PIGN: variants seen among roughly 807,000 people sequenced by gnomAD.
PIGN encodes the protein GPI ethanolamine phosphate transferase 1.
PIGN carries 117 observed loss-of-function variants against 125.4 expected under a neutral mutation model. That is an observed-to-expected ratio of 0.93 (90% confidence interval 0.80 to 1.09). PIGN has a LOEUF of 1.09. PIGN is among the 50% of genes least tolerant of loss of function. The pLI is 0.00. For synonymous variants in PIGN, 392 were observed against 377.8 expected (o/e 1.04, Z -0.44); for missense variants, 1,075 against 1,094.9 (o/e 0.98, Z 0.26).
chr18:62,065,109 T>A (rs1318334873), intron 30 of PIGN, among the ~76,000 whole-genome samples: 3 of 152,216 alleles, frequency 2.0e-5, no homozygotes, highest in African/African-American at 7.2e-5. Context: ...GTTTTCTTTT[T>A]CTTTCTCTCT....
At chr18:62,098,538 G>C (rs1045391527) in intron 22 of PIGN, among the ~76,000 whole-genome samples, 1 of 152,142 alleles carries the variant, frequency 6.6e-6, no homozygotes, top group Admixed American at 6.5e-5. Flanking sequence ...GATTGATAAG[G>C]TAATAAAGGG....
At chr18:62,157,589 C>G in intron 5 of PIGN, 98 bp downstream of exon 5, 1 of 1,197,088 alleles carries the variant, frequency 8.4e-7, no homozygotes. Context: ...CAAAATATCT[C>G]AAAACATACC....
Position 62,072,730 on chromosome 18 carries a change from A to T in PIGN, c.2620-5T>A. 1 of 467,230 alleles carries T rather than the reference A, an allele frequency of 2.1e-6. No homozygotes were observed. Among genetic ancestry groups the T allele is most frequent in the Non-Finnish European group, 2.9e-6 (1 of 340,048 alleles). 28.9% of individuals were successfully genotyped at this position (467,230 alleles called of 1,614,324 possible). On this transcript the variant is annotated splice_region_variant and splice_polypyrimidine_tract_variant and intron_variant, in intron 29 of 30. Transcript: ENST00000640252. ...CTTGACCAAGAAGAAAAAATGCTGTAAAAAAAAAAAAAGGCTTAATGAAAA... is the reference window on the plus strand; with the variant it reads ...CTTGACCAAGAAGAAAAAATGCTGTTAAAAAAAAAAAAGGCTTAATGAAAA...
Position 62,024,390 on chromosome 18 carries a change from A to T in PIGN, c.2143-6649T>A, listed in dbSNP as rs186070820. Among the ~76,000 whole-genome samples, 7 of 152,280 alleles carry T rather than the reference A, an allele frequency of 4.6e-5. No individual in the cohort carries two copies. The East Asian group carries it at 1.3e-3, about 29-fold the overall frequency. ...CTCCCCCAGCCCCTTCCCTGTTCTC[A>T]TGAGGGCTTCACCGATTTCCTCTAG... is the stretch of plus-strand genomic sequence containing the variant. On this transcript the variant is annotated intron_variant, in intron 23 of 24. Transcript: ENST00000639600.
At position 62,084,558 on chromosome 18, in the gene PIGN, A is replaced by C. The variant is rs1599479822; in HGVS notation, c.2475T>G (p.Phe825Leu). The change falls in exon 27 of 31, where the codon TTT becomes TTG. Residue 825 changes from phenylalanine (F) to leucine (L), a missense_variant. Phe to Leu is a conservative substitution (Grantham distance 22, BLOSUM62 0). Around this residue, in one of 3 missense-constraint regions of PIGN, gnomAD observed 915 missense variants for 908.7 expected, o/e 1.01. Transcript: ENST00000640252. ...TCCACATCATCAGGGCTCCCATCAT[A>C]AAAGGACTGAACACAGTCAGAAAGC... ...VYCFLTVFSP[F>L]MMGALMMWKI... The C allele has an allele frequency of 2.3e-5, 36 of 1,558,416 alleles. No individual in the cohort carries two copies. The highest frequency in any genetic ancestry group is 3.0e-5 in the Non-Finnish European group (35 of 1,149,664).
At chr18:62,160,006 G>A (rs1205688286) in intron 4 of PIGN, among the ~76,000 whole-genome samples, 5 of 152,110 alleles carry the variant, frequency 3.3e-5, no homozygotes, top group Admixed American at 6.5e-5. Flanking sequence ...CCAGCTACTC[G>A]GGAGGCTGAG....
intron 14 of PIGN, chr18:62,137,388 C>T (rs2035973910): frequency 3.0e-6 from 1 of 337,308 alleles, no homozygotes; most frequent in Admixed American, 4.8e-5. Context: ...TCTGGGACGT[C>T]ACCTTGTGAT....
intron 4 of PIGN, 112 bp from the exon 5 acceptor site, chr18:62,157,920 TCAAA>T: frequency 2.0e-6 from 2 of 1,020,882 alleles, no homozygotes; most frequent in Non-Finnish European, 2.8e-6. Flanking sequence ...AAAACTTAAG[TCAAA>T]ACTTAAGAAG....
intron 1 of PIGN, among the ~76,000 whole-genome samples, chr18:62,185,556 C>T (rs2037895315): frequency 6.6e-6 from 1 of 152,104 alleles, no homozygotes; most frequent in African/African-American, 2.4e-5. Flanking sequence ...AAACCAATAA[C>T]CTGACCTAAG....
At chr18:62,049,816 G>T (rs1479816493) in intron 30 of PIGN, among the ~76,000 whole-genome samples, 1 of 150,272 alleles carries the variant, frequency 6.7e-6, no homozygotes. Flanking sequence ...TTTCTTCTAG[G>T]GTTTTTATGG....
intron 22 of PIGN, among the ~76,000 whole-genome samples, chr18:62,099,319 C>T (rs1362162093): frequency 6.6e-6 from 1 of 151,944 alleles, no homozygotes; most frequent in Non-Finnish European, 1.5e-5. Context: ...ATCAATAAAG[C>T]AAAGAAGAAC....
chr18:62,121,421 CTATTGAATATTATTCAATAAA>C (rs1301243446), intron 14 of PIGN, among the ~76,000 whole-genome samples: 1 of 152,206 alleles, frequency 6.6e-6, no homozygotes, highest in South Asian at 2.1e-4. Flanking sequence ...AGCTGATAAT[CTATTGAATATTATTCAATAAA>C]TATTGAATAT....
chr18:62,115,141 G>A (rs1046721416), intron 14 of PIGN, among the ~76,000 whole-genome samples: 2 of 152,116 alleles, frequency 1.3e-5, no homozygotes, highest in African/African-American at 4.8e-5. Flanking sequence ...TAATTTGAAC[G>A]TATTTGCTAT....
chr18:62,138,945 T>C (rs920429593), intron 13 of PIGN, 38 bp downstream of exon 13: 3 of 1,009,490 alleles, frequency 3.0e-6, no homozygotes, highest in Admixed American at 2.1e-5. Flanking sequence ...TGTAGTATTG[T>C]CCATTTTTGT....
At chr18:62,125,123 TAAATATACACG>T (rs2035469119) in intron 14 of PIGN, among the ~76,000 whole-genome samples, 1 of 94,778 alleles carries the variant, frequency 1.1e-5, no homozygotes, top group South Asian at 2.9e-4. Context: ...TATGTGTATA[TAAATATACACG>T]TTTGTACATA....
At chr18:62,150,865 C>T (rs544801767) in intron 7 of PIGN, among the ~76,000 whole-genome samples, 1 of 152,072 alleles carries the variant, frequency 6.6e-6, no homozygotes, top group South Asian at 2.1e-4. Context: ...CCATGCCCGG[C>T]TAATTTTTGT....
intron 17 of PIGN, among the ~76,000 whole-genome samples, chr18:62,109,059 G>T (rs192204279): frequency 2.6e-5 from 4 of 152,128 alleles, no homozygotes; most frequent in African/African-American, 9.7e-5. Context: ...GACTTTAGGG[G>T]TCTGGTTTGC....
At chr18:62,156,797 C>T (rs2036751283) in intron 6 of PIGN, among the ~76,000 whole-genome samples, 1 of 152,010 alleles carries the variant, frequency 6.6e-6, no homozygotes, top group South Asian at 2.1e-4. Context: ...ATCTATGAGA[C>T]AGAAACTAAT....
intron 7 of PIGN, among the ~76,000 whole-genome samples, chr18:62,149,656 G>A (rs970286471): frequency 6.6e-6 from 1 of 152,102 alleles, no homozygotes; most frequent in African/African-American, 2.4e-5. Context: ...AATTCAGTAG[G>A]AAAGAAGGTC....
Sources: gnomAD v4.1 joint callset for allele counts (sites outside exome capture counted in the v4.1 genomes callset) on GRCh38, gnomAD v4.1.1 for gene constraint, gnomAD v4.1.1 regional missense constraint, MANE v1.5 for transcripts, NCBI Gene and HGNC (gene_info 2026-07-23, HGNC 2026-07-21) for gene names.